The following PNKP variants were observed in gnomAD, a reference collection of about 807,000 sequenced individuals.
PNKP encodes polynucleotide kinase 3'-phosphatase, also known as bifunctional polynucleotide phosphatase/kinase.
PNKP carries 82 observed loss-of-function variants against 66.2 expected under a neutral mutation model. The observed-to-expected ratio is 1.24, with a 90% CI of 1.04 to 1.49. The LOEUF is 1.49. Among genes scored for constraint, PNKP ranks in the 40% most tolerant of loss-of-function variants. PNKP has a pLI of 0.00. For missense variants in PNKP, 907 were observed against 706.8 expected, an observed-to-expected ratio of 1.28 and a Z score of -3.21; for synonymous variants, 412 against 298.9, an observed-to-expected ratio of 1.38 and a Z score of -3.90.
chr19:49,867,553 G>C lies in PNKP; in HGVS notation c.-98C>G, dbSNP rs1203674701. 1 of 242,854 alleles carries C rather than the reference G, an allele frequency of 4.1e-6. No individual in the cohort carries two copies. The highest frequency in any genetic ancestry group is 7.7e-6 in the Non-Finnish European group (1 of 130,526). 15.0% of individuals were successfully genotyped at this position (242,854 alleles called of 1,614,324 possible). On this transcript the variant is annotated 5_prime_UTR_variant, in exon 1 of 17. Transcript: ENST00000322344. ...CCCGCCTGCAACCCGGCCGGCGGCG[G>C]TCGGTTCCTCGGCGGACGGAAATGA...
Position 49,861,416 on chromosome 19 carries a change from A to G in PNKP, c.1448+33T>C, listed in dbSNP as rs758713036. The G allele has an allele frequency of 1.1e-5, 17 of 1,614,052 alleles. No homozygotes were observed. The South Asian group carries it at 1.8e-4, about 17-fold the overall frequency. On this transcript the variant is annotated intron_variant, in intron 16 of 16. Coordinates refer to ENST00000322344, the MANE Select transcript of PNKP (RefSeq NM_007254.4). ...ACAGCCTGGATCATGTGGCCCAGCC[A>G]GTGCCCCTGCCCCCTGCTATCCCCA...
chr19:49,867,394 C>T, intron 1 of PNKP, 75 bp downstream of exon 1: 1 of 646,656 alleles, frequency 1.5e-6, no homozygotes, highest in Non-Finnish European at 2.7e-6. Flanking sequence ...TCCATCCCTC[C>T]CCGAGTTGCA....
rs1307166840 is a variant in PNKP, at chr19:49,865,436, G to C, written c.199-10C>G. On this transcript the variant is annotated splice_polypyrimidine_tract_variant and intron_variant, in intron 3 of 16. Transcript: ENST00000322344. ...AGGGGTTAACTCCCAGCTGCAGAAA[G>C]AGAGGGAGGAGCTGGGACTGGCTCC... The C allele has an allele frequency of 6.3e-7, 1 of 1,587,598 alleles. No homozygotes were observed. Among genetic ancestry groups the C allele is most frequent in the African/African-American group, 1.4e-5 (1 of 74,052 alleles).
chr19:49,866,547 A>G, intron 2 of PNKP, 102 bp from the exon 3 acceptor site: 1 of 1,107,954 alleles, frequency 9.0e-7, no homozygotes, highest in Non-Finnish European at 1.4e-6. Flanking sequence ...TCCAGGGAGT[A>G]AGAGGCAGTT....
intron 13 of PNKP, 62 bp from the exon 14 acceptor site, chr19:49,861,943 G>A (rs2074772024): frequency 6.4e-6 from 10 of 1,574,006 alleles, no homozygotes; most frequent in Non-Finnish European, 8.7e-7. Context: ...ACCCCGAGCG[G>A]GGACGGGGAG....
chr19:49,867,112 C>A lies in PNKP; in HGVS notation c.93G>T (p.Leu31=). The change falls in exon 2 of 17, where the codon CTG becomes CTT. Residue 31 remains leucine (L), a synonymous_variant. Coordinates refer to ENST00000322344, the MANE Select transcript of PNKP (RefSeq NM_007254.4). The part of the protein sequence containing the change: ...PIFLPSDGQA[L]VLGRGPLTQV... ...GGGTCAGGGGTCCCCTGCCCAGGAC[C>A]AGGGCTTGCCCGTCCGAGGGCAGGA... is the stretch of plus-strand genomic sequence containing the variant. The A allele has an allele frequency of 6.2e-7, 1 of 1,613,566 alleles. No homozygotes were observed. The highest frequency in any genetic ancestry group is 8.5e-7 in the Non-Finnish European group (1 of 1,179,966).
At chr19:49,866,232 T>G in intron 3 of PNKP, 167 bp downstream of exon 3, 1 of 728,712 alleles carries the variant, frequency 1.4e-6, no homozygotes, top group Non-Finnish European at 2.5e-6. Flanking sequence ...ACTCCTGGGT[T>G]CAAGCGATCC....
chr19:49,862,301 C>A lies in PNKP; in HGVS notation c.1030-20G>T, dbSNP rs1200668101. ...AGTCCTCTGCGAGGGGCGGGGGACA[C>A]GCGTGAGATGCCGTCCCCATCCCCG... On this transcript the variant is annotated intron_variant, in intron 11 of 16. Transcript: ENST00000322344. 6 of 1,557,322 alleles carry A rather than the reference C, an allele frequency of 3.9e-6. No homozygotes were observed. The South Asian group carries it at 5.9e-5, about 15-fold the overall frequency.
chr19:49,862,654 G>C, intron 9 of PNKP, 36 bp downstream of exon 9: 1 of 1,613,668 alleles, frequency 6.2e-7, no homozygotes, highest in Non-Finnish European at 8.5e-7. Context: ...GGAGGGAGGC[G>C]TCCCAGCCCA....
At position 49,861,320 on chromosome 19, in the gene PNKP, G is replaced by C. The variant is rs368390840; in HGVS notation, c.1494C>G (p.Ile498Met). The C allele has an allele frequency of 1.1e-5, 17 of 1,614,016 alleles. No homozygotes were observed. In the African/African-American group the frequency reaches 2.3e-4, roughly 22 times the overall value. The change falls in exon 17 of 17, where the codon ATC becomes ATG. Residue 498 changes from isoleucine to methionine, a missense_variant. Coordinates refer to ENST00000322344, the MANE Select transcript of PNKP (RefSeq NM_007254.4). ...CCCATAGCCGGAACGGGATCTCCAG[G>C]ATGGCAGAGAAGCCTTCAGCCAGCG... is the stretch of plus-strand genomic sequence containing the variant. ...APTLAEGFSA[I>M]LEIPFRLWVE...
chr19:49,861,307 A>T lies in PNKP; in HGVS notation c.1507T>A (p.Phe503Ile). 6.2e-7 allele frequency: 1 copy of T among 1,614,056 alleles called. No individual in the cohort carries two copies. The highest frequency in any genetic ancestry group is 8.5e-7 in the Non-Finnish European group (1 of 1,179,984). The stretch of plus-strand genomic sequence containing the variant: ...AGCCTCGGCTCCACCCATAGCCGGA[A>T]CGGGATCTCCAGGATGGCAGAGAAG... ...EGFSAILEIP[F>I]RLWVEPRLGR... Residue 503 changes from phenylalanine (F) to isoleucine (I), a missense_variant, in exon 17 of 17, where the codon TTC becomes ATC. Coordinates refer to ENST00000322344, the MANE Select transcript of PNKP (RefSeq NM_007254.4).
intron 6 of PNKP, 25 bp downstream of exon 6, chr19:49,864,154 C>T (rs767085452): frequency 7.7e-5 from 124 of 1,612,138 alleles, no homozygotes; most frequent in Non-Finnish European, 1.0e-4. Flanking sequence ...TGCACGTGCC[C>T]ATGCAGACAG....
chr19:49,863,712 T>C lies in PNKP; in HGVS notation c.793A>G (p.Met265Val). 6.4e-7 allele frequency: 1 copy of C among 1,556,958 alleles called. No homozygotes were observed. The highest frequency in any genetic ancestry group is 8.7e-7 in the Non-Finnish European group (1 of 1,149,758). The change falls in exon 8 of 17, where the codon ATG becomes GTG. Residue 265 changes from methionine (M) to valine (V), a missense_variant. Met to Val is a conservative substitution (Grantham distance 21). Transcript: ENST00000322344. ...AGLYRKPVTG[M>V]WDHLQEQAND... ...ACCTGCTCCTGCAGATGGTCCCACA[T>C]GCCCGTCACCGGCTTCCGGTACAAG...
At position 49,862,555 on chromosome 19, in the gene PNKP, A is replaced by C; in HGVS notation, c.919T>G (p.Ser307Ala). 6.2e-7 allele frequency: 1 copy of C among 1,612,114 alleles called. No individual in the cohort carries two copies. The highest frequency in any genetic ancestry group is 8.5e-7 in the Non-Finnish European group (1 of 1,179,110). The change falls in exon 10 of 17, where the codon TCC becomes GCC. Residue 307 changes from serine to alanine, a missense_variant. Ser to Ala is a moderately conservative substitution (Grantham distance 99, BLOSUM62 1). Transcript: ENST00000322344. Reference sequence around the variant, plus strand: ...GGCCTCACCAGGCGATCGGCGCAGGAGAAGTCTTTCTTCTTCCGCCCCGGG... The same window carrying C: ...GGCCTCACCAGGCGATCGGCGCAGGCGAAGTCTTTCTTCTTCCGCCCCGGG... ...WAPGRKKKDF[S>A]CADRLFALNL...
chr19:49,861,209 G>A lies in PNKP; in HGVS notation c.*39C>T, dbSNP rs1296472332. ...CAGCAAAATGCCGGCCAAGCTCAAG[G>A]AGAAACAGCGTTTATTGTGGAGGGG... On this transcript the variant is annotated 3_prime_UTR_variant, in exon 17 of 17. Transcript: ENST00000322344. 1.4e-6 allele frequency: 2 copies of A among 1,400,748 alleles called. No homozygotes were observed. Among genetic ancestry groups the A allele is most frequent in the East Asian group, 4.6e-5 (2 of 43,736 alleles). 86.8% of individuals were successfully genotyped at this position (1,400,748 alleles called of 1,614,324 possible). A position where few individuals can be genotyped will look rare whatever the true frequency, so the allele number is the denominator to read the frequency against.
At chr19:49,866,737 C>A in intron 2 of PNKP, 1 of 594,030 alleles carries the variant, frequency 1.7e-6, no homozygotes. Flanking sequence ...TCCATCCCAA[C>A]CTAGCGACAT....
Position 49,863,714 on chromosome 19 carries a change from C to T in PNKP, c.791G>A (p.Gly264Asp). Residue 264 changes from glycine to aspartate, a missense_variant, in exon 8 of 17, where the codon GGC (glycine) becomes GAC (aspartate). Physicochemically the swap from Gly to Asp is moderately conservative, Grantham distance 94 (BLOSUM62 -1). Transcript: ENST00000322344. ...CTGCTCCTGCAGATGGTCCCACATG[C>T]CCGTCACCGGCTTCCGGTACAAGCC... The part of the protein sequence containing the change: ...HAGLYRKPVT[G>D]MWDHLQEQAN... 6.4e-7 allele frequency: 1 copy of T among 1,557,336 alleles called. No homozygotes were observed. The highest frequency in any genetic ancestry group is 8.7e-7 in the Non-Finnish European group (1 of 1,149,932).
At position 49,862,593 on chromosome 19, in the gene PNKP, G is replaced by T; in HGVS notation, c.881C>A (p.Pro294Gln). ...SIFVGDAAGR[P>Q]ANWAPGRKKK... ...CTTCCGCCCCGGGGCCCAGTTGGCC[G>T]GGCGTCCGGCTGCGTCTGGAACACA... Residue 294 changes from proline (P) to glutamine (Q), a missense_variant, in exon 10 of 17, where the codon CCG (proline) becomes CAG (glutamine). Coordinates refer to ENST00000322344, the MANE Select transcript of PNKP (RefSeq NM_007254.4). 1.2e-6 allele frequency: 2 copies of T among 1,613,504 alleles called. No individual in the cohort carries two copies. The highest frequency in any genetic ancestry group is 1.7e-6 in the Non-Finnish European group (2 of 1,179,724).
chr19:49,865,625 T>C (rs2353006), intron 3 of PNKP, 199 bp from the exon 4 acceptor site: 177 of 180,256 alleles, frequency 9.8e-4, no homozygotes, highest in South Asian at 2.4e-3. Context: ...TTTTTTTTTT[T>C]CCCCTGGAGA....
Sources: gnomAD v4.1 joint callset for allele counts on GRCh38, gnomAD v4.1.1 for gene constraint, MANE v1.5 for transcripts, NCBI Gene and HGNC (gene_info 2026-07-23, HGNC 2026-07-21) for gene names.